FHIT: variants seen among roughly 807,000 people sequenced by gnomAD.
The protein encoded by FHIT is bis(5'-adenosyl)-triphosphatase.
FHIT carries 19 observed loss-of-function variants against 17.9 expected under a neutral mutation model. That is an observed-to-expected ratio of 1.06 (90% CI 0.74 to 1.56). FHIT has a LOEUF of 1.56. Among genes scored for constraint, FHIT ranks in the 40% most tolerant of loss-of-function variants. FHIT has a pLI of 0.00. For synonymous variants in FHIT, 81 were observed against 69.7 expected, an observed-to-expected ratio of 1.16 and a Z score of -0.81; for missense variants, 248 against 189.2, an observed-to-expected ratio of 1.31 and a Z score of -1.82.
At chr3:61,008,003 T>C (rs1290133471) in intron 3 of FHIT, among the ~76,000 whole-genome samples, 2 of 152,150 alleles carry the variant, frequency 1.3e-5, no homozygotes, top group Non-Finnish European at 2.9e-5. Context: ...ATCAGGTTAA[T>C]TTCACCTGAA....
At chr3:60,579,999 G>T (rs979518651) in intron 4 of FHIT, among the ~76,000 whole-genome samples, 2 of 152,118 alleles carry the variant, frequency 1.3e-5, no homozygotes, top group African/African-American at 4.8e-5. Context: ...AATAGCAGAC[G>T]TGATGCTTAA....
At chr3:60,294,261 C>T (rs569542456) in intron 5 of FHIT, among the ~76,000 whole-genome samples, 1 of 152,228 alleles carries the variant, frequency 6.6e-6, no homozygotes, top group East Asian at 1.9e-4. Context: ...ATAACAGATT[C>T]ACTCTTGCAT....
chr3:59,779,925 A>G (rs780344), intron 8 of FHIT, among the ~76,000 whole-genome samples: 21,636 of 152,258 alleles, frequency 0.14, 1,616 homozygotes, highest in Middle Eastern at 0.19. Context: ...CACACAGGTA[A>G]CATCCATCTC....
At chr3:60,186,593 G>GT (rs1702169230) in intron 5 of FHIT, among the ~76,000 whole-genome samples, 1 of 152,116 alleles carries the variant, frequency 6.6e-6, no homozygotes, top group Non-Finnish European at 1.5e-5. Context: ...TCATAACGGA[G>GT]GTGGGCTGCG....
intron 5 of FHIT, among the ~76,000 whole-genome samples, chr3:60,170,076 G>T (rs1234110953): frequency 6.6e-6 from 1 of 152,122 alleles, no homozygotes. Context: ...GGCGCCTTCT[G>T]GGTACAGGCA....
rs1351208865 is a variant in FHIT at position 60,371,844 on chromosome 3, T to G, written c.103+165016A>C. Among the ~76,000 whole-genome samples the G allele has an allele frequency of 2.4e-4, 13 of 53,184 alleles. No homozygotes were observed. In the South Asian group the frequency reaches 7.1e-3, roughly 29 times the overall value. 34.9% of individuals were successfully genotyped at this position (53,184 alleles called of 152,430 possible). ...TCATTTTAGCAGATTTTTGTGGGGT[T>G]TTTTTTTTTTTTTTAGCTCAAAATG... On this transcript the variant is annotated intron_variant, in intron 5 of 9. Transcript: ENST00000492590.
At chr3:59,867,685 GA>G (rs1341924348) in intron 8 of FHIT, among the ~76,000 whole-genome samples, 1 of 152,002 alleles carries the variant, frequency 6.6e-6, no homozygotes, top group Non-Finnish European at 1.5e-5. Flanking sequence ...CTTAGCCACA[GA>G]AAACTATTTT....
Position 60,107,728 on chromosome 3 carries a change from A to G in FHIT, c.104-93576T>C, listed in dbSNP as rs1186369407. ...TTCACTTAAGCTTTGCAAGCCAAGC[A>G]AGGTTTAGGTCACTTATGAGGTCTG... On this transcript the variant is annotated intron_variant, in intron 5 of 9. Coordinates refer to ENST00000492590, the MANE Select transcript of FHIT (RefSeq NM_002012.4). 2.6e-5 allele frequency among the ~76,000 whole-genome samples: 4 copies of G among 152,214 alleles called. No individual in the cohort carries two copies. The East Asian group carries it at 7.7e-4, about 29-fold the overall frequency.
rs138007467 is a variant in FHIT, at chr3:60,304,312, T to C, written c.103+232548A>G. On this transcript the variant is annotated intron_variant, in intron 5 of 9. Transcript: ENST00000492590. ...ATTGCTGCCAATTGCATCAGAAAGA[T>C]TCCTTTACTTTTAGCAGATCTCTAC... is the stretch of plus-strand genomic sequence containing the variant. 3.1e-3 allele frequency among the ~76,000 whole-genome samples: 467 copies of C among 152,218 alleles called. 1 individual carries two copies. Among genetic ancestry groups the C allele is most frequent in the African/African-American group, 0.011 (447 of 41,558 alleles).
At chr3:60,109,334 T>C (rs1375268321) in intron 5 of FHIT, among the ~76,000 whole-genome samples, 2 of 152,190 alleles carry the variant, frequency 1.3e-5, no homozygotes, top group East Asian at 3.9e-4. Context: ...GAACTTTTCA[T>C]GTCATCTCAC....
chr3:61,155,248 C>G (rs2037501776), intron 2 of FHIT, among the ~76,000 whole-genome samples: 1 of 152,148 alleles, frequency 6.6e-6, no homozygotes. Context: ...CATGGATGAG[C>G]CCGCAGACAC....
chr3:60,317,494 A>T (rs1253523190), intron 5 of FHIT, among the ~76,000 whole-genome samples: 1 of 151,110 alleles, frequency 6.6e-6, no homozygotes, highest in African/African-American at 2.4e-5. Context: ...AAAGCTACTA[A>T]CATGCAGTTT....
At chr3:60,152,910 T>G (rs1308314265) in intron 5 of FHIT, among the ~76,000 whole-genome samples, 1 of 152,176 alleles carries the variant, frequency 6.6e-6, no homozygotes, top group African/African-American at 2.4e-5. Context: ...CAGGATCCAT[T>G]CATGCTCATT....
chr3:60,370,940 G>A (rs935249037), intron 5 of FHIT, among the ~76,000 whole-genome samples: 3 of 152,024 alleles, frequency 2.0e-5, no homozygotes, highest in Admixed American at 6.6e-5. Context: ...CTTTTAATTC[G>A]CTTCTCTAAT....
At chr3:60,318,475 AC>A (rs1293007381) in intron 5 of FHIT, among the ~76,000 whole-genome samples, 2 of 152,202 alleles carry the variant, frequency 1.3e-5, no homozygotes, top group Non-Finnish European at 2.9e-5. Context: ...TAAAAACAAA[AC>A]AGAACAAAAC....
chr3:60,553,290 A>C (rs998034850), intron 4 of FHIT: 2 of 392,442 alleles, frequency 5.1e-6, no homozygotes, highest in Non-Finnish European at 6.9e-6. Context: ...GTTTCATTAT[A>C]CATTGTTTTG....
chr3:61,079,773 T>C (rs1475507453), intron 2 of FHIT, among the ~76,000 whole-genome samples: 1 of 152,112 alleles, frequency 6.6e-6, no homozygotes, highest in Non-Finnish European at 1.5e-5. Context: ...ACCAAAAAAA[T>C]GGATTCATAA....
At chr3:61,204,997 G>A (rs1367534876) in intron 1 of FHIT, among the ~76,000 whole-genome samples, 1 of 124,380 alleles carries the variant, frequency 8.0e-6, no homozygotes, top group Non-Finnish European at 1.6e-5. Context: ...ACAATCCCCA[G>A]TGTGTGATGT....
intron 5 of FHIT, among the ~76,000 whole-genome samples, chr3:60,167,786 G>C (rs1372963089): frequency 6.6e-6 from 1 of 152,148 alleles, no homozygotes; most frequent in Non-Finnish European, 1.5e-5. Context: ...TGTAATCCCA[G>C]CACTTTGGGA....
Sources: gnomAD v4.1 joint callset for allele counts (sites outside exome capture counted in the v4.1 genomes callset) on GRCh38, gnomAD v4.1.1 for gene constraint, MANE v1.5 for transcripts, NCBI Gene and HGNC (gene_info 2026-07-23, HGNC 2026-07-21) for gene names.